Variants in DYNC2I1 observed in about 807,000 individuals in gnomAD.
DYNC2I1 encodes cytoplasmic dynein 2 intermediate chain 1.
A neutral mutation model predicts 133.4 loss-of-function variants in DYNC2I1; 89 were observed. The observed-to-expected ratio is 0.67, with a 90% confidence interval of 0.56 to 0.80. The LOEUF (loss-of-function observed/expected upper bound fraction) is 0.80, where lower values mean the gene tolerates loss of function less well. Ranked by LOEUF, DYNC2I1 falls within the 30% of genes least tolerant of loss-of-function variation. The probability of loss-of-function intolerance (pLI) is 0.00; values close to 1 mark genes in which losing one functional copy is unlikely to be tolerated. For missense variants in DYNC2I1, 1,291 were observed against 1,314.5 expected (o/e 0.98, Z 0.28); for synonymous variants, 504 against 484.3 (o/e 1.04, Z -0.54).
At chr7:158,924,581 A>C (rs1288618472) in intron 17 of DYNC2I1, among the ~76,000 whole-genome samples, 1 of 151,766 alleles carries the variant, frequency 6.6e-6, no homozygotes, top group Non-Finnish European at 1.5e-5. Flanking sequence ...GGCTGTTTGA[A>C]TTTATCGCAA....
At chr7:158,871,059 T>C in intron 2 of DYNC2I1, 83 bp from the exon 3 acceptor site, 1 of 1,455,904 alleles carries the variant, frequency 6.9e-7, no homozygotes, top group Non-Finnish European at 9.2e-7. Flanking sequence ...TTCAGCTGTG[T>C]GTGCTTCTCA....
chr7:158,877,803 C>T (rs906861442), intron 4 of DYNC2I1, among the ~76,000 whole-genome samples: 6 of 152,170 alleles, frequency 3.9e-5, no homozygotes, highest in Admixed American at 6.5e-5. Context: ...CAAGACTCTC[C>T]ATCTGCGTGG....
chr7:158,876,358 C>T lies in DYNC2I1; in HGVS notation c.491-251C>T, dbSNP rs761725221. Reference sequence around the variant, plus strand: ...TTCAGCATTGGGGACTACATTTCAGCGTGAGATTTGGGTGGGGACACAGAT... The same window carrying T: ...TTCAGCATTGGGGACTACATTTCAGTGTGAGATTTGGGTGGGGACACAGAT... On this transcript the variant is annotated intron_variant, in intron 3 of 24. Coordinates refer to ENST00000407559, the MANE Select transcript of DYNC2I1 (RefSeq NM_018051.5). Among the ~76,000 whole-genome samples, 218 of 152,272 alleles carry T rather than the reference C, an allele frequency of 1.4e-3. 2 individuals are homozygous for T. The highest frequency in any genetic ancestry group is 1.8e-3 in the Non-Finnish European group (120 of 68,032).
At chr7:158,922,315 G>T in intron 15 of DYNC2I1, 62 bp from the exon 16 acceptor site, 4 of 1,541,834 alleles carry the variant, frequency 2.6e-6, no homozygotes. Flanking sequence ...TCGGAAGTGT[G>T]TTAAATTTAA....
intron 8 of DYNC2I1, among the ~76,000 whole-genome samples, chr7:158,899,397 T>G (rs1199415307): frequency 6.6e-6 from 1 of 152,204 alleles, no homozygotes; most frequent in Admixed American, 6.5e-5. Flanking sequence ...TTTGCTACTA[T>G]TATTCTGAAC....
At position 158,876,549 on chromosome 7, in the gene DYNC2I1, A is replaced by G. The variant is rs951098356; in HGVS notation, c.491-60A>G. On this transcript the variant is annotated intron_variant, in intron 3 of 24. Coordinates refer to ENST00000407559, the MANE Select transcript of DYNC2I1 (RefSeq NM_018051.5). ...CAATACCATCCATAGCAAGATGTTA[A>G]AAGAGTTTTTTGATGTGCTAACATT... 4.7e-6 allele frequency: 7 copies of G among 1,500,444 alleles called. No individual in the cohort carries two copies. The South Asian group carries it at 6.9e-5, about 15-fold the overall frequency. 92.9% of individuals were successfully genotyped at this position (1,500,444 alleles called of 1,614,324 possible).
At chr7:158,933,797 A>C (rs1850468730) in intron 21 of DYNC2I1, among the ~76,000 whole-genome samples, 1 of 152,242 alleles carries the variant, frequency 6.6e-6, no homozygotes, top group Non-Finnish European at 1.5e-5. Context: ...AAAAAGTAGG[A>C]GTCACACACT....
chr7:158,844,578 A>T, the DYNC2I1 span, among the ~76,000 whole-genome samples: 7 of 152,310 alleles, frequency 4.6e-5, 1 homozygote, highest in Admixed American at 3.9e-4. Flanking sequence ...GGAAGAATCA[A>T]TTATGCAATC....
intron 7 of DYNC2I1, among the ~76,000 whole-genome samples, chr7:158,890,827 G>T (rs534029986): frequency 9.7e-4 from 148 of 152,214 alleles, no homozygotes; most frequent in African/African-American, 3.4e-3. Context: ...GCCCGCCTCG[G>T]CCTCCCAGAG....
chr7:158,937,337 ACAAT>A (rs569634361), intron 23 of DYNC2I1, among the ~76,000 whole-genome samples: 56 of 152,320 alleles, frequency 3.7e-4, no homozygotes, highest in Admixed American at 1.8e-3. Context: ...TAGAAAATAC[ACAAT>A]CAATGCTGGG....
At chr7:158,876,452 C>T (rs1843365052) in intron 3 of DYNC2I1, among the ~76,000 whole-genome samples, 157 bp from the exon 4 acceptor site, 1 of 152,206 alleles carries the variant, frequency 6.6e-6, no homozygotes, top group African/African-American at 2.4e-5. Flanking sequence ...TAGAACTCTT[C>T]ATTCTTGAGT....
intron 1 of DYNC2I1, among the ~76,000 whole-genome samples, chr7:158,858,299 A>G (rs1466322574): frequency 6.6e-6 from 1 of 152,230 alleles, no homozygotes; most frequent in African/African-American, 2.4e-5. Flanking sequence ...TAAACACTAT[A>G]ACATCATGGT....
intron 6 of DYNC2I1, among the ~76,000 whole-genome samples, chr7:158,885,274 G>A (rs549102684): frequency 3.3e-4 from 50 of 152,030 alleles, no homozygotes; most frequent in African/African-American, 1.1e-3. Context: ...GTGGCTTTTC[G>A]CTAAAGCAGT....
rs1842847874 is a variant in DYNC2I1, at chr7:158,871,265, A to G, written c.193A>G (p.Arg65Gly). Residue 65 changes from arginine to glycine, a missense_variant, in exon 3 of 25, where the codon AGG becomes GGG. By Grantham distance (125) the Arg-to-Gly change is moderately radical. Coordinates refer to ENST00000407559, the MANE Select transcript of DYNC2I1 (RefSeq NM_018051.5). ...PRCRDPDQDA[R>G]SRDRVAEVHT... ...GTGCAGGGATCCCGACCAGGATGCC[A>G]GGAGCAGAGACAGGGTGGCCGAAGT... 1 of 1,604,310 alleles carries G rather than the reference A, an allele frequency of 6.2e-7. No individual in the cohort carries two copies. The highest frequency in any genetic ancestry group is 8.5e-7 in the Non-Finnish European group (1 of 1,175,008).
chr7:158,855,644 G>A (rs2129475300), upstream of DYNC2I1, among the ~76,000 whole-genome samples: 1 of 152,316 alleles, frequency 6.6e-6, no homozygotes, highest in South Asian at 2.1e-4. Context: ...CTACTGCCAG[G>A]AAGGAACAAG....
rs189997245 is a variant in DYNC2I1 at position 158,893,291 on chromosome 7, G to T, written c.1059+1958G>T. 2.1e-3 allele frequency among the ~76,000 whole-genome samples: 326 copies of T among 152,164 alleles called. 5 individuals carry two copies. The highest frequency in any genetic ancestry group is 0.016 in the East Asian group (84 of 5,176). On this transcript the variant is annotated intron_variant, in intron 8 of 24. Transcript: ENST00000407559. ...CACTGATCTTGTCTGTGTCTGTATA[G>T]CTTTGCCCTTTCCAGAGTGTCTTAT...
intron 10 of DYNC2I1, chr7:158,903,955 T>G (rs1846499575): frequency 6.6e-6 from 1 of 152,234 alleles, no homozygotes; most frequent in Admixed American, 6.5e-5. Context: ...GCATATTTCT[T>G]ATTTGAAGGA....
the DYNC2I1 span, among the ~76,000 whole-genome samples, chr7:158,845,384 A>T: frequency 2.6e-5 from 4 of 152,188 alleles, no homozygotes; most frequent in African/African-American, 9.6e-5. Context: ...CTTTAAAATT[A>T]TTGGTAAAGT....
chr7:158,858,243 A>G (rs1391126718), intron 1 of DYNC2I1, among the ~76,000 whole-genome samples: 3 of 152,298 alleles, frequency 2.0e-5, no homozygotes, highest in Admixed American at 6.5e-5. Context: ...TGTAACTTAC[A>G]TTGTCCGTGA....
Sources: gnomAD v4.1 joint callset for allele counts (sites outside exome capture counted in the v4.1 genomes callset) on GRCh38, gnomAD v4.1.1 for gene constraint, MANE v1.5 for transcripts, NCBI Gene and HGNC (gene_info 2026-07-23, HGNC 2026-07-21) for gene names.